KCTD16: variants seen among roughly 807,000 people sequenced by gnomAD.
KCTD16 encodes BTB/POZ domain-containing protein KCTD16.
Under a neutral mutation model 33.2 loss-of-function variants are expected in KCTD16, and 13 were observed. That is an observed-to-expected ratio of 0.39 (90% CI 0.25 to 0.62). KCTD16 has a LOEUF of 0.62. KCTD16 is among the 20% of genes least tolerant of loss of function. KCTD16 has a pLI of 0.50. For synonymous variants in KCTD16, 197 were observed against 195.3 expected, an observed-to-expected ratio of 1.01 and a Z score of -0.07; for missense variants, 441 against 525.1, an observed-to-expected ratio of 0.84 and a Z score of 1.57.
intron 2 of KCTD16, among the ~76,000 whole-genome samples, chr5:144,188,659 G>A (rs939104158): frequency 1.3e-5 from 2 of 152,204 alleles, no homozygotes; most frequent in East Asian, 1.9e-4. Context: ...AATTTAAGCT[G>A]TTGTGCCTAA....
intron 3 of KCTD16, among the ~76,000 whole-genome samples, chr5:144,280,716 A>T (rs1755576726): frequency 6.6e-6 from 1 of 152,210 alleles, no homozygotes; most frequent in South Asian, 2.1e-4. Flanking sequence ...CGAGGTCAGG[A>T]GATCGAGACC....
At chr5:144,255,916 T>C (rs1487105461) in intron 3 of KCTD16, among the ~76,000 whole-genome samples, 1 of 152,194 alleles carries the variant, frequency 6.6e-6, no homozygotes, top group Non-Finnish European at 1.5e-5. Context: ...AAGTGACTAG[T>C]TGAGATTACC....
chr5:144,299,044 CTATATATA>C (rs10589565), intron 3 of KCTD16, among the ~76,000 whole-genome samples: 1,580 of 35,962 alleles, frequency 0.044, 206 homozygotes, highest in African/African-American at 0.14. Context: ...AAACAGATCA[CTATATATA>C]TATATATATA....
At chr5:144,376,651 C>G (rs1332486144) in intron 3 of KCTD16, among the ~76,000 whole-genome samples, 1 of 152,140 alleles carries the variant, frequency 6.6e-6, no homozygotes, top group Admixed American at 6.6e-5. Flanking sequence ...TCATATTTTT[C>G]CAAGTGAAAT....
intron 3 of KCTD16, among the ~76,000 whole-genome samples, chr5:144,432,614 C>G (rs919630821): frequency 2.0e-5 from 3 of 151,750 alleles, no homozygotes; most frequent in African/African-American, 7.3e-5. Flanking sequence ...ATTCCAGTGG[C>G]AAAGACAAAA....
intron 3 of KCTD16, among the ~76,000 whole-genome samples, chr5:144,315,393 C>T (rs138506571): frequency 6.6e-6 from 1 of 152,196 alleles, no homozygotes; most frequent in African/African-American, 2.4e-5. Context: ...AGAAACATTT[C>T]TTTACACTTA....
chr5:144,312,440 C>T (rs1307411284), intron 3 of KCTD16, among the ~76,000 whole-genome samples: 1 of 152,134 alleles, frequency 6.6e-6, no homozygotes, highest in East Asian at 1.9e-4. Context: ...CTAAGCCCCT[C>T]CTATATAGAA....
intron 3 of KCTD16, among the ~76,000 whole-genome samples, chr5:144,448,054 T>C (rs1003063533): frequency 6.7e-6 from 1 of 148,772 alleles, no homozygotes; most frequent in Non-Finnish European, 1.5e-5. Flanking sequence ...CATCTCTCTA[T>C]TGTGATGCCG....
At chr5:144,416,497 TAGAC>T (rs1186831560) in intron 3 of KCTD16, among the ~76,000 whole-genome samples, 16 of 152,326 alleles carry the variant, frequency 1.1e-4, no homozygotes, top group South Asian at 4.1e-4. Context: ...TAAGATGTGT[TAGAC>T]AGAGAGGAAA....
At chr5:144,445,453 A>C (rs1753799610) in intron 3 of KCTD16, among the ~76,000 whole-genome samples, 1 of 151,992 alleles carries the variant, frequency 6.6e-6, no homozygotes, top group Non-Finnish European at 1.5e-5. Flanking sequence ...TATTCTGCTC[A>C]CTTTTCTCTT....
intron 3 of KCTD16, among the ~76,000 whole-genome samples, chr5:144,264,097 C>T (rs1755078842): frequency 6.6e-6 from 1 of 152,198 alleles, no homozygotes; most frequent in African/African-American, 2.4e-5. Flanking sequence ...GACTGTAACA[C>T]AAGCCTTATT....
intron 3 of KCTD16, among the ~76,000 whole-genome samples, chr5:144,243,996 GC>G (rs1440308019): frequency 1.3e-5 from 2 of 152,104 alleles, no homozygotes; most frequent in African/African-American, 2.4e-5. Flanking sequence ...ACCTGCCTCG[GC>G]CTCCCAAAGT....
At chr5:144,312,253 C>T (rs1751786784) in intron 3 of KCTD16, among the ~76,000 whole-genome samples, 1 of 152,184 alleles carries the variant, frequency 6.6e-6, no homozygotes, top group Non-Finnish European at 1.5e-5. Context: ...GCCGTACAGA[C>T]CATGGCACAC....
chr5:144,292,112 G>A (rs1358616197), intron 3 of KCTD16, among the ~76,000 whole-genome samples: 1 of 152,156 alleles, frequency 6.6e-6, no homozygotes, highest in Non-Finnish European at 1.5e-5. Flanking sequence ...AAGTTGGAGG[G>A]CTCTTCACCA....
rs750101809 is a variant in KCTD16, at chr5:144,207,364, G to A, written c.650G>A (p.Arg217Gln). 6 of 1,614,012 alleles carry A rather than the reference G, an allele frequency of 3.7e-6. No homozygotes were observed. The highest frequency in any genetic ancestry group is 1.3e-5 in the African/African-American group (1 of 74,888). ...TTGAATGAAAGCAGAGACCCTGATC[G>A]AGCCCCAGAAAGATACACCTCCAGA... Reference protein sequence around the residue: ...ETLNESRDPDRAPERYTSRFY... With the variant: ...ETLNESRDPDQAPERYTSRFY... Residue 217 changes from arginine (R) to glutamine (Q), a missense_variant, in exon 3 of 4, where the codon CGA becomes CAA. This residue lies in a region of KCTD16 where 355 missense variants were observed against 413.0 expected (regional missense o/e 0.86). Coordinates refer to ENST00000512467, the MANE Select transcript of KCTD16 (RefSeq NM_020768.4).
chr5:144,193,279 T>A (rs1752878139), intron 2 of KCTD16, among the ~76,000 whole-genome samples: 1 of 152,270 alleles, frequency 6.6e-6, no homozygotes, highest in African/African-American at 2.4e-5. Context: ...TAGAATGAAA[T>A]CTGTGGTTTG....
chr5:144,344,081 C>G lies in KCTD16; in HGVS notation c.833-129579C>G, dbSNP rs564025828. 2.0e-5 allele frequency among the ~76,000 whole-genome samples: 3 copies of G among 152,222 alleles called. No individual in the cohort carries two copies. The East Asian group carries it at 5.8e-4, about 29-fold the overall frequency. ...CTATCTACAACTATCTGATCTTTGA[C>G]AAACCTGAGAAAAACAAGCAATGGG... On this transcript the variant is annotated intron_variant, in intron 3 of 3. Transcript: ENST00000512467.
chr5:144,313,836 A>G (rs889979612), intron 3 of KCTD16, among the ~76,000 whole-genome samples: 1 of 152,188 alleles, frequency 6.6e-6, no homozygotes, highest in Non-Finnish European at 1.5e-5. Flanking sequence ...CAATACTAGT[A>G]TTAGTAGTAG....
intron 2 of KCTD16, among the ~76,000 whole-genome samples, chr5:144,189,370 C>T (rs527464663): frequency 1.3e-5 from 2 of 152,094 alleles, no homozygotes; most frequent in Admixed American, 1.3e-4. Flanking sequence ...GTGGCGGGCG[C>T]CTGTAGTCCC....
Sources: gnomAD v4.1 joint callset for allele counts (sites outside exome capture counted in the v4.1 genomes callset) on GRCh38, gnomAD v4.1.1 for gene constraint, gnomAD v4.1.1 regional missense constraint, MANE v1.5 for transcripts, NCBI Gene and HGNC (gene_info 2026-07-23, HGNC 2026-07-21) for gene names.